The following TUB variants were observed in gnomAD, a reference collection of about 807,000 sequenced individuals.
The protein encoded by TUB is TUB bipartite transcription factor.
Under a neutral mutation model 59.7 loss-of-function variants are expected in TUB, and 33 were observed. The ratio of observed to expected loss-of-function variants is 0.55; its 90% CI spans 0.42 to 0.74. The LOEUF is 0.74. Among genes scored for constraint, TUB ranks in the 30% least tolerant of loss-of-function variants. The probability of loss-of-function intolerance (pLI) is 0.00; values close to 1 mark genes in which losing one functional copy is unlikely to be tolerated. For synonymous variants in TUB, 293 were observed against 256.4 expected (o/e 1.14, Z -1.36); for missense variants, 659 against 672.0 (o/e 0.98, Z 0.21).
intron 2 of TUB, among the ~76,000 whole-genome samples, chr11:8,071,140 G>T (rs970197029): frequency 6.6e-6 from 1 of 152,094 alleles, no homozygotes. Flanking sequence ...TCACGGAGAG[G>T]GTGGGAGGGA....
rs901486405 is a variant in TUB at position 8,106,162 on chromosome 11, T to C, written c.*4543T>C. ...ATGACAAACTTGGTATTTTCCCATG[T>C]TGACATTATGTATGTTGTAGAATTT... On this transcript the variant is annotated 3_prime_UTR_variant, in exon 12 of 12. Transcript: ENST00000299506. 6.6e-6 allele frequency: 1 copy of C among 152,250 alleles called. No homozygotes were observed. The highest frequency in any genetic ancestry group is 1.5e-5 in the Non-Finnish European group (1 of 68,050). The allele number at this position is 152,250 out of a possible 1,614,324, so 9.4% of individuals were successfully genotyped here.
upstream of TUB, chr11:8,076,911 A>G (rs912228577): frequency 1.3e-5 from 2 of 152,050 alleles, no homozygotes; most frequent in African/African-American, 4.8e-5. Flanking sequence ...ATTTTTTTTC[A>G]GACATTGTAA....
At chr11:8,034,006 C>T (rs1218204902), upstream of TUB, among the ~76,000 whole-genome samples, 3 of 152,196 alleles carry the variant, frequency 2.0e-5, no homozygotes, top group Non-Finnish European at 4.4e-5. Flanking sequence ...AATTTTGGGG[C>T]ATACCCGGCC....
chr11:8,024,888 T>C (rs1327918654), intron 1 of TUB, among the ~76,000 whole-genome samples: 1 of 152,208 alleles, frequency 6.6e-6, no homozygotes, highest in Non-Finnish European at 1.5e-5. Flanking sequence ...GCGCAGAACT[T>C]GGATTTTGGG....
intron 9 of TUB, 38 bp from the exon 10 acceptor site, chr11:8,100,465 G>C (rs748474803): frequency 6.5e-7 from 1 of 1,546,108 alleles, no homozygotes; most frequent in African/African-American, 1.4e-5. Context: ...TAGGTAAATA[G>C]ACGCCTCAGG....
chr11:8,099,672 G>A (rs1322870474), intron 9 of TUB, among the ~76,000 whole-genome samples: 2 of 152,216 alleles, frequency 1.3e-5, no homozygotes, highest in Non-Finnish European at 2.9e-5. Flanking sequence ...AGTGAAGTAA[G>A]TATGTTCTTT....
At position 8,094,077 on chromosome 11, in the gene TUB, G is replaced by T. The variant is rs1469083085; in HGVS notation, c.285G>T (p.Gln95His). Residue 95 changes from glutamine to histidine, a missense_variant, in exon 4 of 12, where the codon CAG (glutamine) becomes CAT (histidine). By Grantham distance (24) the Gln-to-His change is conservative (BLOSUM62 0). Around this residue, in one of 3 missense-constraint regions of TUB, gnomAD observed 321 missense variants for 304.3 expected, o/e 1.05. Transcript: ENST00000299506. ...VQEADSLASVQLGATRPTAPA... is the reference protein window; with the variant it reads ...VQEADSLASVHLGATRPTAPA... ...AGGCCGACTCACTCGCCAGTGTGCAGCTGGGAGCCACGCGCCCAACAGCAC... is the reference window on the plus strand; with the variant it reads ...AGGCCGACTCACTCGCCAGTGTGCATCTGGGAGCCACGCGCCCAACAGCAC... The T allele has an allele frequency of 6.2e-7, 1 of 1,614,182 alleles. No homozygotes were observed. The highest frequency in any genetic ancestry group is 1.7e-5 in the Admixed American group (1 of 60,030).
At chr11:8,049,561 G>GTGTATATATATATATATA (rs774091068) in intron 2 of TUB, among the ~76,000 whole-genome samples, 6 of 124,260 alleles carry the variant, frequency 4.8e-5, no homozygotes, top group African/African-American at 1.3e-4. Flanking sequence ...GTATTATGTG[G>GTGTATATATATATATATA]TATATATATA....
chr11:8,098,031 C>T (rs998075965), intron 8 of TUB, among the ~76,000 whole-genome samples: 1 of 152,162 alleles, frequency 6.6e-6, no homozygotes, highest in African/African-American at 2.4e-5. Flanking sequence ...ACACACCCGA[C>T]CCCAAGCTGT....
rs1461510579 is a variant in TUB, at chr11:8,039,795, A to T, written c.203+103A>T. 17 of 928,968 alleles carry T rather than the reference A, an allele frequency of 1.8e-5. No homozygotes were observed. In the East Asian group the frequency reaches 4.7e-4, roughly 25 times the overall value. The allele number at this position is 928,968 out of a possible 1,614,324, so 57.5% of individuals were successfully genotyped here. A position where few individuals can be genotyped will look rare whatever the true frequency, so the allele number is the denominator to read the frequency against. On this transcript the variant is annotated intron_variant, in intron 2 of 12. Coordinates refer to the TUB transcript ENST00000305253. ...GACGTGGGTGGCTCAGGGGCCATGA[A>T]CCCCATATGCGCCTGGGAGTGTGTG...
At chr11:8,101,103 G>T in intron 11 of TUB, 106 bp downstream of exon 11, 1 of 1,357,830 alleles carries the variant, frequency 7.4e-7, no homozygotes, top group Non-Finnish European at 1.0e-6. Flanking sequence ...GTTTAAGAAT[G>T]TGAGCTATAC....
At chr11:8,068,506 A>G (rs936996468) in intron 2 of TUB, 1 of 152,318 alleles carries the variant, frequency 6.6e-6, no homozygotes, top group Non-Finnish European at 1.5e-5. Context: ...CCAGTCCCAT[A>G]TAACCTCTCC....
intron 2 of TUB, among the ~76,000 whole-genome samples, chr11:8,044,445 T>C (rs765715655): frequency 1.3e-5 from 2 of 152,228 alleles, no homozygotes; most frequent in Non-Finnish European, 2.9e-5. Flanking sequence ...CTCTATCTTT[T>C]TTACGTGGAG....
intron 2 of TUB, among the ~76,000 whole-genome samples, chr11:8,049,576 TATATAGATAGATAGATAGATAG>T (rs1942895979): frequency 7.8e-6 from 1 of 128,976 alleles, no homozygotes; most frequent in African/African-American, 3.3e-5. Context: ...TATATATATA[TATATAGATAGATAGATAGATAG>T]ATAGATACAC....
chr11:8,096,589 G>A (rs1944003276), intron 5 of TUB, 96 bp from the exon 6 acceptor site: 1 of 814,800 alleles, frequency 1.2e-6, no homozygotes, highest in Non-Finnish European at 2.2e-6. Context: ...GGGTACAGGT[G>A]AGTCAGTGTC....
At chr11:8,094,456 A>C (rs1943894398) in intron 4 of TUB, among the ~76,000 whole-genome samples, 1 of 152,012 alleles carries the variant, frequency 6.6e-6, no homozygotes, top group Admixed American at 6.6e-5. Flanking sequence ...ACCGTCCCCC[A>C]CCTCAGCTAC....
At chr11:8,040,086 G>A (rs1048042841) in intron 2 of TUB, among the ~76,000 whole-genome samples, 3 of 152,168 alleles carry the variant, frequency 2.0e-5, no homozygotes, top group Admixed American at 6.5e-5. Context: ...GGGAATCATG[G>A]TGGCAGAGCC....
At chr11:8,075,495 G>A (rs998717456) in intron 2 of TUB, 5 of 152,236 alleles carry the variant, frequency 3.3e-5, no homozygotes, top group Admixed American at 2.0e-4. Context: ...TGGGAGAAGT[G>A]ATGTGTAATT....
intron 8 of TUB, 145 bp from the exon 9 acceptor site, chr11:8,098,613 G>A: frequency 1.6e-6 from 1 of 639,614 alleles, no homozygotes; most frequent in South Asian, 2.1e-5. Flanking sequence ...CAAAGATGTG[G>A]ATTCAGTGAG....
Sources: allele counts gnomAD v4.1 joint callset (sites outside exome capture counted in the v4.1 genomes callset), GRCh38; gene constraint gnomAD v4.1.1; regional missense constraint gnomAD v4.1.1; transcripts MANE v1.5; gene names NCBI Gene and HGNC (gene_info 2026-07-23, HGNC 2026-07-21).